Variants in POC5 observed in about 807,000 individuals in gnomAD.
POC5 encodes centrosomal protein POC5.
In POC5, 48 loss-of-function variants were observed where a neutral mutation model predicts 62.9. That is an observed-to-expected ratio of 0.76 (90% CI 0.61 to 0.97). The LOEUF is 0.97. Among genes scored for constraint, POC5 ranks in the 50% least tolerant of loss-of-function variants. The probability of loss-of-function intolerance (pLI) is 0.00; values close to 1 mark genes in which losing one functional copy is unlikely to be tolerated. For missense variants in POC5, 696 were observed against 679.5 expected, an observed-to-expected ratio of 1.02 and a Z score of -0.27; for synonymous variants, 236 against 228.2, an observed-to-expected ratio of 1.03 and a Z score of -0.31.
chr5:75,691,400 G>C (rs555170633), intron 7 of POC5, among the ~76,000 whole-genome samples: 1 of 152,150 alleles, frequency 6.6e-6, no homozygotes, highest in Admixed American at 6.6e-5. Context: ...TTGAGTGTCA[G>C]CATGACACCA....
At chr5:75,683,452 C>T (rs1207505523) in intron 10 of POC5, among the ~76,000 whole-genome samples, 1 of 151,898 alleles carries the variant, frequency 6.6e-6, no homozygotes, top group Non-Finnish European at 1.5e-5. Context: ...CCAGGCTGGT[C>T]TTGAACTCCT....
At chr5:75,709,996 T>C (rs1167775215) in intron 2 of POC5, among the ~76,000 whole-genome samples, 2 of 152,326 alleles carry the variant, frequency 1.3e-5, no homozygotes, top group Non-Finnish European at 2.9e-5. Flanking sequence ...CTGGAAATGA[T>C]GTGTACAACT....
chr5:75,685,682 C>T (rs1390899039), intron 9 of POC5, among the ~76,000 whole-genome samples, 198 bp from the exon 10 acceptor site: 2 of 152,222 alleles, frequency 1.3e-5, no homozygotes, highest in African/African-American at 4.8e-5. Context: ...CTAAAAACTT[C>T]AGACTACTTC....
At chr5:75,678,642 T>C (rs1229276201) in intron 10 of POC5, among the ~76,000 whole-genome samples, 1 of 152,164 alleles carries the variant, frequency 6.6e-6, no homozygotes, top group East Asian at 1.9e-4. Context: ...AGACCTGCTA[T>C]AGTTCTTAAT....
chr5:75,694,820 T>C lies in POC5; in HGVS notation c.525A>G (p.Ile175Met), dbSNP rs372811956. ...LWSSGLKTNI[I>M]SELSKWRLNF... Reference sequence around the variant, plus strand: ...TAAGTCTCCATTTACTTAGTTCAGATATGATGTTTGTCTGAAAAATTAATA... The same window carrying C: ...TAAGTCTCCATTTACTTAGTTCAGACATGATGTTTGTCTGAAAAATTAATA... The change falls in exon 6 of 12, where the codon ATA becomes ATG. Residue 175 changes from isoleucine (I) to methionine (M), a missense_variant. Coordinates refer to ENST00000428202, the MANE Select transcript of POC5 (RefSeq NM_001099271.2). The C allele has an allele frequency of 2.6e-6, 4 of 1,530,846 alleles. No homozygotes were observed. In the African/African-American group the frequency reaches 4.2e-5, roughly 16 times the overall value. 94.8% of individuals were successfully genotyped at this position (1,530,846 alleles called of 1,614,324 possible).
chr5:75,676,469 AGGTCCCACTTCAC>A (rs917060479), intron 11 of POC5, among the ~76,000 whole-genome samples: 21 of 152,334 alleles, frequency 1.4e-4, no homozygotes, highest in African/African-American at 5.1e-4. Flanking sequence ...CACCTCGCTA[AGGTCCCACTTCAC>A]CTGAAGTTCA....
At chr5:75,710,989 T>G (rs972191146) in intron 2 of POC5, among the ~76,000 whole-genome samples, 4 of 152,210 alleles carry the variant, frequency 2.6e-5, no homozygotes, top group African/African-American at 9.6e-5. Flanking sequence ...TCATACATAT[T>G]CATATATTTC....
intron 9 of POC5, among the ~76,000 whole-genome samples, chr5:75,688,588 G>C (rs977685863): frequency 2.0e-5 from 3 of 152,132 alleles, no homozygotes; most frequent in African/African-American, 7.2e-5. Context: ...TAAACAGGAA[G>C]ATTAGGAATT....
rs1410525191 is a variant in POC5, at chr5:75,685,334, G to C, written c.1280C>G (p.Ala427Gly). The C allele has an allele frequency of 6.2e-7, 1 of 1,614,042 alleles. No homozygotes were observed. Among genetic ancestry groups the C allele is most frequent in the East Asian group, 2.2e-5 (1 of 44,888 alleles). ...AGCTGAGGGAACGGCAGTCGCGCTG[G>C]CTCCTCCGACGGCGGCTGGTGGGGA... ...LPSPPAAVGG[A>G]SATAVPSAAS... Residue 427 changes from alanine (A) to glycine (G), a missense_variant, in exon 10 of 12, where the codon GCC becomes GGC. By Grantham distance (60) the Ala-to-Gly change is moderately conservative. Transcript: ENST00000428202.
Position 75,692,663 on chromosome 5 carries a change from T to C in POC5, c.691-163A>G, listed in dbSNP as rs1464357807. Among the ~76,000 whole-genome samples the C allele has an allele frequency of 3.3e-5, 5 of 152,260 alleles. No homozygotes were observed. The East Asian group carries it at 9.6e-4, about 29-fold the overall frequency. On this transcript the variant is annotated intron_variant, in intron 6 of 11. Coordinates refer to ENST00000428202, the MANE Select transcript of POC5 (RefSeq NM_001099271.2). Reference sequence around the variant, plus strand: ...TCTTTAAAAAGATGGTAAAACTTTCTCACATGAATATACTAGATATCAACT... The same window carrying C: ...TCTTTAAAAAGATGGTAAAACTTTCCCACATGAATATACTAGATATCAACT...
At position 75,702,682 on chromosome 5, in the gene POC5, C is replaced by A; in HGVS notation, c.436G>T (p.Val146Leu). ...SSHTDAHEILVSDFLVSDENL... is the reference protein window; with the variant it reads ...SSHTDAHEILLSDFLVSDENL... Reference sequence around the variant, plus strand: ...TCATCAGAAACAAGAAAATCGCTCACAAGTATTTCATGGGCATCTGTATGA... The same window carrying A: ...TCATCAGAAACAAGAAAATCGCTCAAAAGTATTTCATGGGCATCTGTATGA... Residue 146 changes from valine to leucine, a missense_variant, in exon 5 of 12, where the codon GTG (valine) becomes TTG (leucine). Transcript: ENST00000428202. 2 of 1,612,082 alleles carry A rather than the reference C, an allele frequency of 1.2e-6. No individual in the cohort carries two copies. Among genetic ancestry groups the A allele is most frequent in the Non-Finnish European group, 1.7e-6 (2 of 1,179,062 alleles).
In POC5 at chr5:75,707,736, C is replaced by A. The variant is rs572718967; in HGVS notation, c.223+1G>T. On this transcript the variant is annotated splice_donor_variant, in intron 3 of 11. Transcript: ENST00000428202. LOFTEE classifies it high-confidence loss of function. ...GAGATATCTTGAAAAATATATATAA[C>A]CTTGACTATGAAGAATATCATGAAT... 5 of 1,526,756 alleles carry A rather than the reference C, an allele frequency of 3.3e-6. No homozygotes were observed. The highest frequency in any genetic ancestry group is 2.8e-5 in the African/African-American group (2 of 72,346). The allele number at this position is 1,526,756 out of a possible 1,614,324, so 94.6% of individuals were successfully genotyped here.
chr5:75,693,189 GTTA>G (rs1776418002), intron 6 of POC5, among the ~76,000 whole-genome samples: 1 of 147,866 alleles, frequency 6.8e-6, no homozygotes, highest in African/African-American at 2.5e-5. Context: ...TATAACTAAT[GTTA>G]TTAATGTTAT....
Position 75,674,634 on chromosome 5 carries a change from C to A in POC5, c.1585-56G>T, listed in dbSNP as rs1775584742. 4 of 1,546,930 alleles carry A rather than the reference C, an allele frequency of 2.6e-6. No individual in the cohort carries two copies. In the Admixed American group the frequency reaches 7.1e-5, roughly 28 times the overall value. On this transcript the variant is annotated intron_variant, in intron 11 of 11. Transcript: ENST00000428202. ...TCCCAAGATTATGTATACTATGTAT[C>A]ATTTCATCATCTATCATCTATAATT...
intron 10 of POC5, among the ~76,000 whole-genome samples, chr5:75,681,983 T>C (rs1254260354): frequency 6.6e-6 from 1 of 152,238 alleles, no homozygotes; most frequent in Non-Finnish European, 1.5e-5. Flanking sequence ...ATTTCAACTA[T>C]ATAAGGAAGG....
At chr5:75,683,546 C>T (rs1257741502) in intron 10 of POC5, among the ~76,000 whole-genome samples, 1 of 151,818 alleles carries the variant, frequency 6.6e-6, no homozygotes, top group African/African-American at 2.4e-5. Flanking sequence ...TTTAAACTGA[C>T]TAACTAATCA....
At chr5:75,674,674 T>C (rs1775586493) in intron 11 of POC5, 96 bp from the exon 12 acceptor site, 20 of 1,431,038 alleles carry the variant, frequency 1.4e-5, no homozygotes, top group South Asian at 2.7e-5. Flanking sequence ...CCAATAAACA[T>C]TTGTTAAGAT....
rs1230020245 is a variant in POC5, at chr5:75,707,739, T to C, written c.221A>G (p.Gln74Arg). ...ISTIHDILHS[Q>R]GNNSEVRETA... is the part of the protein sequence containing the mutation. ...ATATCTTGAAAAATATATATAACCTTGACTATGAAGAATATCATGAATTGT... is the reference window on the plus strand; with the variant it reads ...ATATCTTGAAAAATATATATAACCTCGACTATGAAGAATATCATGAATTGT... Residue 74 changes from glutamine to arginine, a missense_variant and splice_region_variant, in exon 3 of 12, where the codon CAA becomes CGA. By Grantham distance (43) the Gln-to-Arg change is conservative. Transcript: ENST00000428202. The C allele has an allele frequency of 6.5e-7, 1 of 1,530,140 alleles. No homozygotes were observed. Among genetic ancestry groups the C allele is most frequent in the East Asian group, 2.4e-5 (1 of 40,938 alleles). 94.8% of individuals were successfully genotyped at this position (1,530,140 alleles called of 1,614,324 possible).
chr5:75,706,131 G>A (rs1347772092), intron 3 of POC5, among the ~76,000 whole-genome samples: 1 of 152,158 alleles, frequency 6.6e-6, no homozygotes, highest in Non-Finnish European at 1.5e-5. Context: ...ATTTCCAGAG[G>A]CCCGCTGCTT....
Sources: gnomAD v4.1 joint callset for allele counts (sites outside exome capture counted in the v4.1 genomes callset) on GRCh38, gnomAD v4.1.1 for gene constraint, MANE v1.5 for transcripts, NCBI Gene and HGNC (gene_info 2026-07-23, HGNC 2026-07-21) for gene names.